RNF220: variants seen among roughly 807,000 people sequenced by gnomAD.
RNF220 encodes ring finger protein 220.
Under a neutral mutation model 67.1 loss-of-function variants are expected in RNF220, and 7 were observed. The ratio of observed to expected loss-of-function variants is 0.10; its 90% CI spans 0.06 to 0.20. RNF220 has a LOEUF of 0.20. Among genes scored for constraint, RNF220 ranks in the 10% least tolerant of loss-of-function variants. RNF220 has a pLI of 1.00. For missense variants in RNF220, 565 were observed against 740.3 expected, an observed-to-expected ratio of 0.76 and a Z score of 2.75; for synonymous variants, 270 against 283.2, an observed-to-expected ratio of 0.95 and a Z score of 0.47.
chr1:44,481,461 T>A (rs1655801585), intron 2 of RNF220, among the ~76,000 whole-genome samples: 1 of 152,192 alleles, frequency 6.6e-6, no homozygotes, highest in Non-Finnish European at 1.5e-5. Context: ...CCGCATGTTC[T>A]TACTCATAAC....
chr1:44,649,507 G>A lies in RNF220; in HGVS notation c.1446-154G>A, dbSNP rs566009727. ...GGTGAGGAGTTTAGTTCTGGAATGTGGAATTTGCAGATTCAGGTTATCAGA... is the reference window on the plus strand; with the variant it reads ...GGTGAGGAGTTTAGTTCTGGAATGTAGAATTTGCAGATTCAGGTTATCAGA... On this transcript the variant is annotated intron_variant, in intron 12 of 14. Transcript: ENST00000361799. The surrounding 1 kb of genome is among the most constrained non-coding windows in gnomAD (Gnocchi z 5.9). 1 of 676,492 alleles carries A rather than the reference G, an allele frequency of 1.5e-6. No individual in the cohort carries two copies. Among genetic ancestry groups the A allele is most frequent in the East Asian group, 2.6e-5 (1 of 38,970 alleles). The allele number at this position is 676,492 out of a possible 1,614,324, so 41.9% of individuals were successfully genotyped here.
chr1:44,626,423 T>G (rs1309909098), intron 5 of RNF220, 25 bp downstream of exon 5: 1 of 1,583,924 alleles, frequency 6.3e-7, no homozygotes, highest in Non-Finnish European at 8.7e-7. Context: ...TGAGTGGCCA[T>G]GAGAAGCAAG....
At chr1:44,450,625 A>G (rs769559177) in intron 2 of RNF220, among the ~76,000 whole-genome samples, 3 of 152,168 alleles carry the variant, frequency 2.0e-5, no homozygotes, top group Non-Finnish European at 4.4e-5. Flanking sequence ...CAATTTTTCC[A>G]TGTCAGTACA....
intron 2 of RNF220, among the ~76,000 whole-genome samples, chr1:44,610,350 C>T (rs1296120852): frequency 1.3e-5 from 2 of 152,236 alleles, no homozygotes; most frequent in Non-Finnish European, 2.9e-5. Flanking sequence ...CACCCGCCAT[C>T]CTCTGCCGAT....
At chr1:44,482,843 A>T (rs1572639314) in intron 2 of RNF220, among the ~76,000 whole-genome samples, 1 of 150,364 alleles carries the variant, frequency 6.7e-6, no homozygotes, top group East Asian at 1.9e-4. Flanking sequence ...ATGGTCTCAA[A>T]CTCCTGACCT....
chr1:44,550,474 C>T lies in RNF220; in HGVS notation c.626-63691C>T, dbSNP rs187800412. 2.7e-3 allele frequency among the ~76,000 whole-genome samples: 409 copies of T among 152,264 alleles called. 3 individuals carry two copies. Among genetic ancestry groups the T allele is most frequent in the African/African-American group, 9.0e-3 (375 of 41,528 alleles). On this transcript the variant is annotated intron_variant, in intron 2 of 14. Transcript: ENST00000361799. ...TTCCCTGAAATCAGGGACAACAGAG[C>T]AAATCTCCCCTAGGTGCATGGGAGA...
At chr1:44,571,044 C>T (rs1274706513) in intron 2 of RNF220, among the ~76,000 whole-genome samples, 2 of 151,346 alleles carry the variant, frequency 1.3e-5, no homozygotes, top group African/African-American at 2.4e-5. Flanking sequence ...ACTGCATTAC[C>T]ACCTGGGTGA....
At chr1:44,454,824 G>C (rs1456956019) in intron 2 of RNF220, among the ~76,000 whole-genome samples, 1 of 152,008 alleles carries the variant, frequency 6.6e-6, no homozygotes, top group East Asian at 1.9e-4. Flanking sequence ...ATTCCCCTTT[G>C]TAGTCAGCCT....
intron 2 of RNF220, among the ~76,000 whole-genome samples, chr1:44,431,210 A>G (rs1205996871): frequency 6.6e-6 from 1 of 152,176 alleles, no homozygotes; most frequent in African/African-American, 2.4e-5. Flanking sequence ...AAATGAAATA[A>G]GACGGCCGGG....
intron 2 of RNF220, among the ~76,000 whole-genome samples, chr1:44,522,422 C>G (rs1475224725): frequency 2.6e-5 from 4 of 152,154 alleles, no homozygotes; most frequent in Non-Finnish European, 4.4e-5. Flanking sequence ...AGGCCCCATA[C>G]CTATTAGAAG....
chr1:44,632,642 G>C, intron 6 of RNF220: 1 of 578,614 alleles, frequency 1.7e-6, no homozygotes. Flanking sequence ...AATAAGTGCC[G>C]GAGAATGAGG....
chr1:44,422,840 C>G (rs1649380469), intron 2 of RNF220, among the ~76,000 whole-genome samples: 1 of 152,210 alleles, frequency 6.6e-6, no homozygotes, highest in South Asian at 2.1e-4. Context: ...AATAGTACTG[C>G]TTCATCTTAG....
intron 2 of RNF220, among the ~76,000 whole-genome samples, chr1:44,554,355 A>G (rs944694528): frequency 5.9e-5 from 9 of 152,152 alleles, no homozygotes; most frequent in African/African-American, 2.2e-4. Flanking sequence ...AATGCTTGCC[A>G]CTGCTTAGGA....
At chr1:44,583,971 A>T (rs1665503875) in intron 2 of RNF220, among the ~76,000 whole-genome samples, 1 of 152,266 alleles carries the variant, frequency 6.6e-6, no homozygotes, top group South Asian at 2.1e-4. Flanking sequence ...AGGACTTACT[A>T]TATACAAATC....
At chr1:44,636,002 C>T in intron 7 of RNF220, 28 bp from the exon 8 acceptor site, 1 of 1,614,126 alleles carries the variant, frequency 6.2e-7, no homozygotes. Context: ...GGCCTGGGCC[C>T]AGCATGATCC....
intron 2 of RNF220, among the ~76,000 whole-genome samples, chr1:44,481,839 A>G (rs1334363294): frequency 6.6e-6 from 1 of 152,196 alleles, no homozygotes; most frequent in African/African-American, 2.4e-5. Context: ...CAGTCAAGAA[A>G]CAGAGATGAT....
rs113723281 is a variant in RNF220 at position 44,497,852 on chromosome 1, G to A, written c.625+85130G>A. ...TTCTGCTGGAAGTTGCTTCCTAATTGTTAGGATAAATCTTTCTGCAAAGGT... is the reference window on the plus strand; with the variant it reads ...TTCTGCTGGAAGTTGCTTCCTAATTATTAGGATAAATCTTTCTGCAAAGGT... On this transcript the variant is annotated intron_variant, in intron 2 of 14. Coordinates refer to ENST00000361799, the MANE Select transcript of RNF220 (RefSeq NM_018150.4). Among the ~76,000 whole-genome samples, 25 of 152,300 alleles carry A rather than the reference G, an allele frequency of 1.6e-4. 1 individual carries two copies. The highest frequency in any genetic ancestry group is 5.8e-4 in the African/African-American group (24 of 41,572).
chr1:44,568,772 G>A (rs1664220028), intron 2 of RNF220, among the ~76,000 whole-genome samples: 1 of 152,194 alleles, frequency 6.6e-6, no homozygotes, highest in African/African-American at 2.4e-5. Flanking sequence ...CCACCAACAT[G>A]TTGTGTAGCT....
chr1:44,582,511 C>T (rs537738756), intron 2 of RNF220, among the ~76,000 whole-genome samples: 7 of 152,124 alleles, frequency 4.6e-5, no homozygotes, highest in East Asian at 1.9e-4. Context: ...AATCCCAGCA[C>T]GTTGGGAGGC....
Sources: gnomAD v4.1 joint callset for allele counts (sites outside exome capture counted in the v4.1 genomes callset) on GRCh38, gnomAD v4.1.1 for gene constraint, Gnocchi (gnomAD v3.1) non-coding constraint, MANE v1.5 for transcripts, NCBI Gene and HGNC (gene_info 2026-07-23, HGNC 2026-07-21) for gene names.